PTPRG: variants seen among roughly 807,000 people sequenced by gnomAD.
PTPRG encodes protein tyrosine phosphatase receptor type G.
PTPRG carries 102 observed loss-of-function variants against 165.3 expected under a neutral mutation model. The ratio of observed to expected loss-of-function variants is 0.62; its 90% CI spans 0.53 to 0.73. The LOEUF (loss-of-function observed/expected upper bound fraction) is 0.73, where lower values mean the gene tolerates loss of function less well. Ranked by LOEUF, PTPRG falls within the 30% of genes least tolerant of loss-of-function variation. PTPRG has a pLI of 0.00. For missense variants in PTPRG, 1,866 were observed against 1,861.4 expected (o/e 1.00, Z -0.05); for synonymous variants, 675 against 669.5 (o/e 1.01, Z -0.13).
At chr3:61,930,505 G>A (rs1279431992) in intron 2 of PTPRG, among the ~76,000 whole-genome samples, 1 of 152,096 alleles carries the variant, frequency 6.6e-6, no homozygotes, top group African/African-American at 2.4e-5. Context: ...CTTATGTGTT[G>A]CGTCTTACTT....
intron 4 of PTPRG, among the ~76,000 whole-genome samples, chr3:62,074,298 A>G (rs895860054): frequency 7.0e-6 from 1 of 142,980 alleles, no homozygotes; most frequent in African/African-American, 2.6e-5. Context: ...AGATCCCTTT[A>G]TTGCTGGATT....
At chr3:61,880,202 T>A (rs2037845578) in intron 2 of PTPRG, among the ~76,000 whole-genome samples, 1 of 152,226 alleles carries the variant, frequency 6.6e-6, no homozygotes, top group Non-Finnish European at 1.5e-5. Context: ...TAACAGTTAA[T>A]AAGAAACTTA....
At chr3:62,241,323 G>A (rs1397023784) in intron 14 of PTPRG, among the ~76,000 whole-genome samples, 6 of 152,034 alleles carry the variant, frequency 3.9e-5, no homozygotes, top group East Asian at 1.9e-4. Flanking sequence ...TTTATTCTAC[G>A]GGAAGACATT....
chr3:61,728,245 G>A (rs553158476), intron 1 of PTPRG, among the ~76,000 whole-genome samples: 42 of 152,266 alleles, frequency 2.8e-4, no homozygotes, highest in African/African-American at 9.2e-4. Flanking sequence ...AGCAAGTCTG[G>A]TGCTTACTTT....
At chr3:61,851,652 T>G (rs1415880206) in intron 2 of PTPRG, among the ~76,000 whole-genome samples, 1 of 152,242 alleles carries the variant, frequency 6.6e-6, no homozygotes, top group Non-Finnish European at 1.5e-5. Context: ...ACTTAACATT[T>G]AAAGCACATT....
chr3:61,572,296 A>T (rs1700074848), intron 1 of PTPRG, among the ~76,000 whole-genome samples: 1 of 151,926 alleles, frequency 6.6e-6, no homozygotes, highest in African/African-American at 2.4e-5. Flanking sequence ...AGACCAAGTT[A>T]AAAAAAATAT....
At chr3:61,990,818 C>T (rs148419144) in intron 3 of PTPRG, among the ~76,000 whole-genome samples, 20 of 151,944 alleles carry the variant, frequency 1.3e-4, no homozygotes, top group Non-Finnish European at 2.2e-4. Flanking sequence ...GGAGCCTTGG[C>T]TGTCAGAGCC....
chr3:62,168,467 A>G (rs1340423962), intron 8 of PTPRG, among the ~76,000 whole-genome samples: 2 of 152,198 alleles, frequency 1.3e-5, no homozygotes, highest in Non-Finnish European at 2.9e-5. Context: ...CTTACTTTTT[A>G]TGTGTTTCCC....
intron 2 of PTPRG, among the ~76,000 whole-genome samples, chr3:61,780,276 G>A (rs1275925054): frequency 1.3e-5 from 2 of 152,152 alleles, no homozygotes; most frequent in African/African-American, 2.4e-5. Context: ...TTTCATGGGA[G>A]GGATCACTTT....
chr3:61,958,067 T>G (rs1357233230), intron 2 of PTPRG, among the ~76,000 whole-genome samples: 1 of 152,192 alleles, frequency 6.6e-6, no homozygotes, highest in Non-Finnish European at 1.5e-5. Context: ...TTATTATTAC[T>G]TTAATTTCTG....
At chr3:62,096,418 TCTC>T (rs1321861842) in intron 5 of PTPRG, among the ~76,000 whole-genome samples, 1 of 152,208 alleles carries the variant, frequency 6.6e-6, no homozygotes, top group Non-Finnish European at 1.5e-5. Flanking sequence ...TTTGATATTT[TCTC>T]CTGTCGTCTT....
At chr3:61,590,984 C>T (rs991581967) in intron 1 of PTPRG, among the ~76,000 whole-genome samples, 1 of 152,106 alleles carries the variant, frequency 6.6e-6, no homozygotes, top group Non-Finnish European at 1.5e-5. Context: ...ATGGTGCATG[C>T]CTGTAATCCC....
chr3:61,890,888 G>A (rs961353522), intron 2 of PTPRG, among the ~76,000 whole-genome samples: 2 of 152,186 alleles, frequency 1.3e-5, no homozygotes, highest in Non-Finnish European at 2.9e-5. Context: ...ACATCCATAT[G>A]AAAAGATAGC....
At position 62,067,676 on chromosome 3, in the gene PTPRG, C is replaced by T. The variant is rs571106805; in HGVS notation, c.520-10487C>T. ...TCAGGCATTAGATTCTCATTAGGAG[C>T]GTGCAACCTGGATTCCTTGCATGCG... On this transcript the variant is annotated intron_variant, in intron 4 of 29. Transcript: ENST00000474889. 4.6e-5 allele frequency among the ~76,000 whole-genome samples: 7 copies of T among 152,216 alleles called. No homozygotes were observed. In the East Asian group the frequency reaches 7.7e-4, roughly 17 times the overall value.
At chr3:61,676,162 AGT>A (rs544506540) in intron 1 of PTPRG, among the ~76,000 whole-genome samples, 4 of 152,244 alleles carry the variant, frequency 2.6e-5, no homozygotes, top group African/African-American at 9.6e-5. Context: ...TTGTTTAGAA[AGT>A]TACTAAAGTC....
At chr3:62,209,192 T>C (rs1181295029) in intron 12 of PTPRG, among the ~76,000 whole-genome samples, 1 of 152,194 alleles carries the variant, frequency 6.6e-6, no homozygotes, top group Non-Finnish European at 1.5e-5. Flanking sequence ...TAGGAACATT[T>C]GGGAGCATCT....
intron 2 of PTPRG, among the ~76,000 whole-genome samples, chr3:61,774,950 T>C (rs1559604825): frequency 6.6e-6 from 1 of 152,194 alleles, no homozygotes; most frequent in Non-Finnish European, 1.5e-5. Flanking sequence ...CACTTCAAGT[T>C]GCACCTCTTT....
At chr3:62,045,928 C>T (rs1488736833) in intron 4 of PTPRG, among the ~76,000 whole-genome samples, 1 of 152,232 alleles carries the variant, frequency 6.6e-6, no homozygotes, top group Non-Finnish European at 1.5e-5. Flanking sequence ...ACCATTCAGC[C>T]AGGATGTCTC....
chr3:62,235,821 A>G (rs1701019800), intron 14 of PTPRG, among the ~76,000 whole-genome samples: 1 of 152,080 alleles, frequency 6.6e-6, no homozygotes, highest in East Asian at 1.9e-4. Flanking sequence ...CCATCACTGC[A>G]TGATTTTGTT....
Sources: gnomAD v4.1 joint callset for allele counts (sites outside exome capture counted in the v4.1 genomes callset) on GRCh38, gnomAD v4.1.1 for gene constraint, MANE v1.5 for transcripts, NCBI Gene and HGNC (gene_info 2026-07-23, HGNC 2026-07-21) for gene names.